COL22A1: variants seen among roughly 807,000 people sequenced by gnomAD.
COL22A1 encodes the protein collagen alpha-1(XXII) chain.
COL22A1 carries 221 observed loss-of-function variants against 248.9 expected under a neutral mutation model. The ratio of observed to expected loss-of-function variants is 0.89; its 90% CI spans 0.80 to 0.99. The LOEUF (loss-of-function observed/expected upper bound fraction) is 0.99, where lower values mean the gene tolerates loss of function less well. COL22A1 is among the 50% of genes least tolerant of loss of function. The pLI, the probability that COL22A1 is intolerant of heterozygous loss-of-function variation, is 0.00. For missense variants in COL22A1, 2,240 were observed against 2,179.0 expected, an observed-to-expected ratio of 1.03 and a Z score of -0.56; for synonymous variants, 891 against 793.4, an observed-to-expected ratio of 1.12 and a Z score of -2.07.
intron 1 of COL22A1, among the ~76,000 whole-genome samples, chr8:138,884,079 G>A (rs1420004049): frequency 6.6e-6 from 1 of 152,088 alleles, no homozygotes; most frequent in Admixed American, 6.6e-5. Flanking sequence ...TTGCCCCCCT[G>A]GGAGGGCTTC....
chr8:138,591,478 G>T lies in COL22A1; in HGVS notation c.4639C>A (p.Pro1547Thr). Residue 1547 changes from proline to threonine, a missense_variant, in exon 64 of 65, where the codon CCA (proline) becomes ACA (threonine). Transcript: ENST00000303045. ...CGGAGGCCAACTCCAGGTGCACCTGGGTCACCTTTGGCTCCTCGCTCACCT... is the reference window on the plus strand; with the variant it reads ...CGGAGGCCAACTCCAGGTGCACCTGTGTCACCTTTGGCTCCTCGCTCACCT... Reference protein sequence around the residue: ...PKGERGAKGDPGAPGVGLRGE... With the variant: ...PKGERGAKGDTGAPGVGLRGE... 1.9e-6 allele frequency: 3 copies of T among 1,573,132 alleles called. No individual in the cohort carries two copies. The highest frequency in any genetic ancestry group is 2.6e-6 in the Non-Finnish European group (3 of 1,159,056).
intron 10 of COL22A1, among the ~76,000 whole-genome samples, chr8:138,803,481 C>T (rs979296619): frequency 3.9e-5 from 6 of 152,004 alleles, no homozygotes; most frequent in Admixed American, 2.6e-4. Context: ...TGTAACTAAC[C>T]TGCACAATGT....
chr8:138,638,466 C>T (rs1185439797), intron 47 of COL22A1, among the ~76,000 whole-genome samples: 1 of 152,100 alleles, frequency 6.6e-6, no homozygotes, highest in Non-Finnish European at 1.5e-5. Flanking sequence ...ACAGTTCTCT[C>T]ATGGAAACAT....
At chr8:138,824,779 C>T (rs1282650924) in intron 6 of COL22A1, among the ~76,000 whole-genome samples, 1 of 152,184 alleles carries the variant, frequency 6.6e-6, no homozygotes, top group Non-Finnish European at 1.5e-5. Context: ...TGTGTCTAGC[C>T]AGTATTTCCC....
intron 27 of COL22A1, 51 bp downstream of exon 27, chr8:138,720,688 T>A: frequency 4.1e-6 from 6 of 1,456,544 alleles, no homozygotes; most frequent in Non-Finnish European, 5.8e-6. Flanking sequence ...CCACCCCAAA[T>A]AGACCACTCA....
chr8:138,717,685 C>T (rs369026680), intron 27 of COL22A1, among the ~76,000 whole-genome samples: 3 of 152,236 alleles, frequency 2.0e-5, no homozygotes. Flanking sequence ...GGTTTAGTCC[C>T]CTTGGAGGAA....
At chr8:138,809,656 G>C (rs1218635308) in intron 9 of COL22A1, among the ~76,000 whole-genome samples, 1 of 151,816 alleles carries the variant, frequency 6.6e-6, no homozygotes, top group Non-Finnish European at 1.5e-5. Context: ...GAGTAGCTGG[G>C]ATTATAGGCA....
chr8:138,629,940 C>A (rs1820571022), intron 50 of COL22A1, among the ~76,000 whole-genome samples: 1 of 152,172 alleles, frequency 6.6e-6, no homozygotes, highest in Non-Finnish European at 1.5e-5. Flanking sequence ...TCTCCAATCC[C>A]CACTTTCCTT....
chr8:138,859,549 C>T (rs1235437010), intron 3 of COL22A1, among the ~76,000 whole-genome samples: 4 of 152,154 alleles, frequency 2.6e-5, no homozygotes, highest in African/African-American at 7.2e-5. Context: ...GCATCTGGTG[C>T]GGCCTTCCCA....
intron 3 of COL22A1, among the ~76,000 whole-genome samples, chr8:138,872,886 CTGT>C (rs1823447585): frequency 6.6e-6 from 1 of 152,188 alleles, no homozygotes; most frequent in Non-Finnish European, 1.5e-5. Flanking sequence ...ACTGCTGTTA[CTGT>C]TGTTATTCCA....
chr8:138,725,930 C>T (rs1002659974), intron 23 of COL22A1, among the ~76,000 whole-genome samples: 1 of 152,184 alleles, frequency 6.6e-6, no homozygotes, highest in African/African-American at 2.4e-5. Flanking sequence ...TTCTGGTTCT[C>T]TAGGTATGGG....
intron 7 of COL22A1, 97 bp from the exon 8 acceptor site, chr8:138,813,116 C>A: frequency 1.1e-6 from 1 of 895,434 alleles, no homozygotes; most frequent in Non-Finnish European, 1.8e-6. Context: ...TATCTGGTTC[C>A]ACTTCCTCTT....
intron 30 of COL22A1, among the ~76,000 whole-genome samples, chr8:138,710,037 A>G (rs1442415865): frequency 6.6e-6 from 1 of 152,222 alleles, no homozygotes; most frequent in African/African-American, 2.4e-5. Flanking sequence ...TAAGCAACAC[A>G]GGCTTGGGAG....
At chr8:138,704,167 C>A (rs939774963) in intron 30 of COL22A1, among the ~76,000 whole-genome samples, 1 of 152,220 alleles carries the variant, frequency 6.6e-6, no homozygotes, top group African/African-American at 2.4e-5. Flanking sequence ...TTAAGGAGGC[C>A]TGCCTGCCTC....
intron 12 of COL22A1, among the ~76,000 whole-genome samples, chr8:138,792,669 G>A (rs1428182236): frequency 6.6e-6 from 1 of 152,182 alleles, no homozygotes; most frequent in African/African-American, 2.4e-5. Flanking sequence ...TCTTTCTGAA[G>A]TTGCTTCATT....
rs148000571 is a variant in COL22A1, at chr8:138,670,375, A to G, written c.3150+6183T>C. On this transcript the variant is annotated intron_variant, in intron 41 of 64. Transcript: ENST00000303045. ...GCAGGGCAAGAGTGGATCTCAGTGAATCAAGCCCTGCACATTCCTTGAGCA... is the reference window on the plus strand; with the variant it reads ...GCAGGGCAAGAGTGGATCTCAGTGAGTCAAGCCCTGCACATTCCTTGAGCA... Among the ~76,000 whole-genome samples, 685 of 152,222 alleles carry G rather than the reference A, an allele frequency of 4.5e-3. 4 individuals carry two copies. Among genetic ancestry groups the G allele is most frequent in the African/African-American group, 0.013 (543 of 41,540 alleles).
chr8:138,870,820 C>T (rs556723605), intron 3 of COL22A1, among the ~76,000 whole-genome samples: 57 of 150,402 alleles, frequency 3.8e-4, no homozygotes, highest in African/African-American at 1.3e-3. Flanking sequence ...TGTGCATATG[C>T]GGATGTGTGT....
chr8:138,648,798 T>C (rs939827430), intron 46 of COL22A1, among the ~76,000 whole-genome samples: 59 of 152,006 alleles, frequency 3.9e-4, no homozygotes, highest in African/African-American at 1.4e-3. Context: ...GAGGGCCATC[T>C]GAATTACCAG....
At chr8:138,708,234 G>GC (rs1828645882) in intron 30 of COL22A1, among the ~76,000 whole-genome samples, 1 of 152,166 alleles carries the variant, frequency 6.6e-6, no homozygotes, top group Non-Finnish European at 1.5e-5. Context: ...TAAATTCAAT[G>GC]CCATCCCCAT....
Sources: allele counts gnomAD v4.1 joint callset (sites outside exome capture counted in the v4.1 genomes callset), GRCh38; gene constraint gnomAD v4.1.1; transcripts MANE v1.5; gene names NCBI Gene and HGNC (gene_info 2026-07-23, HGNC 2026-07-21).